PCDHA10: variants seen among roughly 807,000 people sequenced by gnomAD.
The protein encoded by PCDHA10 is protocadherin alpha 10.
In PCDHA10, 45 loss-of-function variants were observed where a neutral mutation model predicts 61.2. That is an observed-to-expected ratio of 0.74 (90% confidence interval 0.58 to 0.94). PCDHA10 has a LOEUF of 0.94. Ranked by LOEUF, PCDHA10 falls within the 40% of genes least tolerant of loss-of-function variation. The probability of loss-of-function intolerance (pLI) is 0.00; values close to 1 mark genes in which losing one functional copy is unlikely to be tolerated. For synonymous variants in PCDHA10, 602 were observed against 548.8 expected, an observed-to-expected ratio of 1.10 and a Z score of -1.35; for missense variants, 1,278 against 1,236.2, an observed-to-expected ratio of 1.03 and a Z score of -0.51.
intron 1 of PCDHA10, chr5:140,864,242 T>C (rs978090917): frequency 6.6e-6 from 1 of 152,208 alleles, no homozygotes; most frequent in Non-Finnish European, 1.5e-5. Flanking sequence ...TTATTCCTAT[T>C]CATTTTCTTA....
chr5:140,905,437 C>T (rs190555934), intron 1 of PCDHA10, among the ~76,000 whole-genome samples: 1 of 152,130 alleles, frequency 6.6e-6, no homozygotes, highest in Non-Finnish European at 1.5e-5. Flanking sequence ...ATAACTACAG[C>T]CTTTTAGTAT....
chr5:140,856,104 T>C lies in PCDHA10; in HGVS notation c.56T>C (p.Leu19Pro). The C allele has an allele frequency of 6.3e-7, 1 of 1,597,888 alleles. No individual in the cohort carries two copies. The highest frequency in any genetic ancestry group is 8.6e-7 in the Non-Finnish European group (1 of 1,167,522). Reference protein sequence around the residue: ...GVQCLLLSLLLLAAWEVGSGQ... With the variant: ...GVQCLLLSLLPLAAWEVGSGQ... Reference sequence around the variant, plus strand: ...CAGTGTCTGCTGCTCTCGCTTCTTCTCCTCGCAGCCTGGGAGGTGGGGAGC... The same window carrying C: ...CAGTGTCTGCTGCTCTCGCTTCTTCCCCTCGCAGCCTGGGAGGTGGGGAGC... The change falls in exon 1 of 4, where the codon CTC (leucine) becomes CCC (proline). Residue 19 changes from leucine to proline, a missense_variant. By Grantham distance (98) the Leu-to-Pro change is moderately conservative. Coordinates refer to ENST00000307360, the MANE Select transcript of PCDHA10 (RefSeq NM_018901.4).
chr5:140,885,509 T>C (rs1020233501), intron 1 of PCDHA10, among the ~76,000 whole-genome samples: 36 of 152,208 alleles, frequency 2.4e-4, no homozygotes, highest in Admixed American at 1.4e-3. Flanking sequence ...TGAACCATGC[T>C]GTGCTATCAT....
intron 1 of PCDHA10, among the ~76,000 whole-genome samples, chr5:140,941,983 A>G (rs2093212614): frequency 6.6e-6 from 1 of 152,198 alleles, no homozygotes; most frequent in Non-Finnish European, 1.5e-5. Context: ...CTAAACCTTG[A>G]TAAGGGATTC....
In PCDHA10 at chr5:141,011,189, A is replaced by G. The variant is rs573647175; in HGVS notation, c.*1252A>G. On this transcript the variant is annotated 3_prime_UTR_variant, in exon 4 of 4. Coordinates refer to ENST00000307360, the MANE Select transcript of PCDHA10 (RefSeq NM_018901.4). ...CAAGACCCAAAAATTGAAGAAAAAT[A>G]TTGTTTTCTCATACAGTGAGCAGAT... 1.3e-5 allele frequency: 2 copies of G among 153,810 alleles called. No homozygotes were observed. Among genetic ancestry groups the G allele is most frequent in the African/African-American group, 4.8e-5 (2 of 41,570 alleles). 9.5% of individuals were successfully genotyped at this position (153,810 alleles called of 1,614,324 possible).
At chr5:140,922,181 A>G (rs2080696715) in intron 1 of PCDHA10, among the ~76,000 whole-genome samples, 1 of 152,324 alleles carries the variant, frequency 6.6e-6, no homozygotes, top group South Asian at 2.1e-4. Context: ...GCAGACAAAA[A>G]AAAAGTCTTA....
intron 3 of PCDHA10, among the ~76,000 whole-genome samples, chr5:140,983,533 G>A (rs1195364351): frequency 6.6e-6 from 1 of 152,208 alleles, no homozygotes; most frequent in Non-Finnish European, 1.5e-5. Flanking sequence ...TACATTGTAT[G>A]TGTGGTCTCA....
At position 140,871,191 on chromosome 5, in the gene PCDHA10, C is replaced by A. The variant is rs370303558; in HGVS notation, c.2388+12755C>A. The A allele has an allele frequency of 2.4e-5, 38 of 1,613,538 alleles. No individual in the cohort carries two copies. The African/African-American group carries it at 4.4e-4, about 19-fold the overall frequency. ...CAGAGGCTGCGCTGGTGGATGTCAA[C>A]GTGTACCTGATCATCGCCATCTGCG... On this transcript the variant is annotated intron_variant, in intron 1 of 3. Transcript: ENST00000307360.
At chr5:140,882,601 C>G (rs1322989069) in intron 1 of PCDHA10, 1 of 1,614,144 alleles carries the variant, frequency 6.2e-7, no homozygotes, top group Admixed American at 1.7e-5. Flanking sequence ...TGATCGTGGA[C>G]AGGCCTCTGC....
chr5:140,927,705 C>T (rs2084535217), intron 1 of PCDHA10: 1 of 1,614,100 alleles, frequency 6.2e-7, no homozygotes, highest in African/African-American at 1.3e-5. Flanking sequence ...TCCAGTACTC[C>T]CTAAGCAACA....
At chr5:140,951,766 C>T (rs372624744) in intron 1 of PCDHA10, among the ~76,000 whole-genome samples, 78 of 152,240 alleles carry the variant, frequency 5.1e-4, no homozygotes, top group African/African-American at 1.6e-3. Context: ...AATCTCATGA[C>T]GTTCTTACAT....
Position 140,967,929 on chromosome 5 carries a change from G to A in PCDHA10, c.2389-11020G>A, listed in dbSNP as rs1554230126. 5 of 1,614,096 alleles carry A rather than the reference G, an allele frequency of 3.1e-6. No homozygotes were observed. The South Asian group carries it at 4.4e-5, about 14-fold the overall frequency. ...CCCAACACCATTGTGGCCGTTCTCAGTGTCAATGACCAAGACTCAGGCCCC... is the reference window on the plus strand; with the variant it reads ...CCCAACACCATTGTGGCCGTTCTCAATGTCAATGACCAAGACTCAGGCCCC... On this transcript the variant is annotated intron_variant, in intron 1 of 3. Coordinates refer to ENST00000307360, the MANE Select transcript of PCDHA10 (RefSeq NM_018901.4).
At chr5:140,882,606 C>T in intron 1 of PCDHA10, 2 of 1,614,238 alleles carry the variant, frequency 1.2e-6, no homozygotes, top group Non-Finnish European at 1.7e-6. Context: ...GTGGACAGGC[C>T]TCTGCAGGTT....
rs189094380 is a variant in PCDHA10 at position 140,918,016 on chromosome 5, T to C, written c.2388+59580T>C. Among the ~76,000 whole-genome samples the C allele has an allele frequency of 1.3e-4, 20 of 152,344 alleles. No individual in the cohort carries two copies. The East Asian group carries it at 3.9e-3, about 29-fold the overall frequency. ...TTATCTTAACAATGTTGTTTCTTCC[T>C]ACCCATGAGCGTGGAAGGTCTTTCC... On this transcript the variant is annotated intron_variant, in intron 1 of 3. Transcript: ENST00000307360.
At chr5:140,858,625 T>A (rs2045528405) in intron 1 of PCDHA10, 189 bp downstream of exon 1, 1 of 1,095,156 alleles carries the variant, frequency 9.1e-7, no homozygotes, top group South Asian at 1.7e-5. Flanking sequence ...CTACCCAGTG[T>A]GTCAGCCTTT....
At chr5:140,959,585 C>A (rs1363843588) in intron 1 of PCDHA10, among the ~76,000 whole-genome samples, 1 of 152,004 alleles carries the variant, frequency 6.6e-6, no homozygotes, top group Non-Finnish European at 1.5e-5. Context: ...TCAATTCTAT[C>A]AGCCAAGTAT....
intron 3 of PCDHA10, among the ~76,000 whole-genome samples, chr5:141,003,829 A>G (rs1220753607): frequency 1.3e-5 from 2 of 152,184 alleles, no homozygotes; most frequent in Admixed American, 6.5e-5. Flanking sequence ...GGCTCTGCCT[A>G]ACGATTCAGA....
chr5:140,896,192 C>G (rs369443676), intron 1 of PCDHA10, among the ~76,000 whole-genome samples: 1 of 152,162 alleles, frequency 6.6e-6, no homozygotes, highest in African/African-American at 2.4e-5. Context: ...TGAATAGTGC[C>G]ATGATGAACA....
chr5:140,927,150 G>GT, intron 1 of PCDHA10: 1 of 1,614,134 alleles, frequency 6.2e-7, no homozygotes, highest in Non-Finnish European at 8.5e-7. Context: ...GCGAACAGCT[G>GT]TGCAGGGCCA....
Sources: allele counts gnomAD v4.1 joint callset (sites outside exome capture counted in the v4.1 genomes callset), GRCh38; gene constraint gnomAD v4.1.1; transcripts MANE v1.5; gene names NCBI Gene and HGNC (gene_info 2026-07-23, HGNC 2026-07-21).